The following EPHX3 variants were observed in gnomAD, a reference collection of about 807,000 sequenced individuals.
EPHX3 encodes abhydrolase domain containing 9.
A neutral mutation model predicts 40.2 loss-of-function variants in EPHX3; 39 were observed. The ratio of observed to expected loss-of-function variants is 0.97; its 90% confidence interval spans 0.75 to 1.27. The LOEUF (loss-of-function observed/expected upper bound fraction) is 1.27. Among genes scored for constraint, EPHX3 ranks in the 50% most tolerant of loss-of-function variants. The pLI, the probability that EPHX3 is intolerant of heterozygous loss-of-function variation, is 0.00. For missense variants in EPHX3, 442 were observed against 474.0 expected (o/e 0.93, Z 0.63); for synonymous variants, 213 against 209.7 (o/e 1.02, Z -0.14).
Position 15,227,638 on chromosome 19 carries a change from CT to C in EPHX3, c.881del (p.Glu294GlyfsTer2). ...ACAGCAGCAATGTGGGTGTGGTCAG[CT>C]CCTGGGGTTCCAGGGGGAAGTTCCT... ...LFRNFPLEPQ[E>X]LTTPTLLLWG... On this transcript the variant is annotated frameshift_variant, in exon 7 of 7. Transcript: ENST00000221730. LOFTEE classifies it high-confidence loss of function. 1.2e-6 allele frequency: 2 copies of C among 1,614,102 alleles called. No homozygotes were observed. The highest frequency in any genetic ancestry group is 2.2e-5 in the South Asian group (2 of 91,082).
chr19:15,231,636 G>A (rs920207007), intron 2 of EPHX3, 140 bp downstream of exon 2: 1 of 1,003,974 alleles, frequency 1.0e-6, no homozygotes, highest in African/African-American at 1.6e-5. Flanking sequence ...AGGGATCCTG[G>A]GTATGCTGGC....
upstream of EPHX3, among the ~76,000 whole-genome samples, chr19:15,235,265 C>T (rs2047183470): frequency 6.6e-6 from 1 of 152,118 alleles, no homozygotes; most frequent in Non-Finnish European, 1.5e-5. Flanking sequence ...CCCGGCCTCC[C>T]AAAAGTGCTG....
chr19:15,229,575 G>A (rs916372458), intron 4 of EPHX3, among the ~76,000 whole-genome samples: 5 of 141,948 alleles, frequency 3.5e-5, no homozygotes, highest in Non-Finnish European at 7.6e-5. Context: ...GCACTGCACA[G>A]AGTGAGACTC....
chr19:15,231,023 GT>G lies in EPHX3; in HGVS notation c.554del (p.Tyr185SerfsTer58). On this transcript the variant is annotated frameshift_variant, in exon 4 of 7. Transcript: ENST00000221730. LOFTEE classifies it high-confidence loss of function. ...GALLAWHFSIYYPSLVERMVV... is the reference protein window; with the variant it reads ...GALLAWHFSIXYPSLVERMVV... ...CCATCCGCTCGACCAGGGATGGGTA[GT>G]AGATGGAGAAATGCCAGGCAAGGAG... 6.2e-7 allele frequency: 1 copy of G among 1,614,128 alleles called. No homozygotes were observed. Among genetic ancestry groups the G allele is most frequent in the Non-Finnish European group, 8.5e-7 (1 of 1,180,028 alleles).
upstream of EPHX3, among the ~76,000 whole-genome samples, chr19:15,233,835 C>T (rs1334795742): frequency 1.3e-5 from 2 of 152,152 alleles, no homozygotes; most frequent in African/African-American, 2.4e-5. Context: ...GAGGCCGAGG[C>T]GGGCGGATCA....
intron 4 of EPHX3, among the ~76,000 whole-genome samples, chr19:15,229,659 C>G (rs2047138547): frequency 6.7e-6 from 1 of 150,016 alleles, no homozygotes; most frequent in East Asian, 2.0e-4. Context: ...CTTTGAGAGG[C>G]CAAGGTGGGC....
chr19:15,235,010 G>T (rs59068863), upstream of EPHX3, among the ~76,000 whole-genome samples: 95 of 151,598 alleles, frequency 6.3e-4, no homozygotes, highest in African/African-American at 2.2e-3. Flanking sequence ...TTTTGTTTTT[G>T]TTTTTTTTGA....
chr19:15,232,919 C>T (rs1359101753), upstream of EPHX3: 1 of 151,298 alleles, frequency 6.6e-6, no homozygotes, highest in Non-Finnish European at 1.5e-5. Context: ...CCCAGACAAA[C>T]CTTAAGGAGG....
rs530065809 is a variant in EPHX3, at chr19:15,227,408, A to G, written c.*29T>C. 5.1e-6 allele frequency: 8 copies of G among 1,578,856 alleles called. No homozygotes were observed. In the East Asian group the frequency reaches 9.0e-5, roughly 18 times the overall value. On this transcript the variant is annotated 3_prime_UTR_variant, in exon 7 of 7. Transcript: ENST00000221730. ...GGTGTGTGTTCCTTCCTGAGTATCC[A>G]TGCCTCCTGGGCAGGCCAGCAAGGA...
rs1173062067 is a variant in EPHX3 at position 15,231,020 on chromosome 19, G to T, written c.558C>A (p.Tyr186Ter). ...CAACCATCCGCTCGACCAGGGATGGGTAGTAGATGGAGAAATGCCAGGCAA... is the reference window on the plus strand; with the variant it reads ...CAACCATCCGCTCGACCAGGGATGGTTAGTAGATGGAGAAATGCCAGGCAA... ...ALLAWHFSIYYPSLVERMVVV... is the reference protein window; with the variant it reads ...ALLAWHFSIY Residue 186 changes from tyrosine (Y) to a stop codon, truncating the protein, a stop_gained, in exon 4 of 7, where the codon TAC (tyrosine) becomes TAA (stop). Transcript: ENST00000221730. LOFTEE classifies it high-confidence loss of function. 2 of 1,613,980 alleles carry T rather than the reference G, an allele frequency of 1.2e-6. No individual in the cohort carries two copies. Among genetic ancestry groups the T allele is most frequent in the Admixed American group, 1.7e-5 (1 of 59,992 alleles).
rs748883224 is a variant in EPHX3, at chr19:15,232,037, G to A, written c.175C>T (p.Arg59Cys). The A allele has an allele frequency of 1.3e-6, 2 of 1,586,104 alleles. No homozygotes were observed. The highest frequency in any genetic ancestry group is 1.7e-6 in the Non-Finnish European group (2 of 1,172,592). ...CRPRRGCCGR[R>C]RSASPACLSD... ...AGGCAGGCGGGGGACGCGCTCCGAC[G>A]GCGCCCGCAGCAGCCGCGCCGGGGC... The change falls in exon 1 of 7, where the codon CGT (arginine) becomes TGT (cysteine). Residue 59 changes from arginine (R) to cysteine (C), a missense_variant. Physicochemically the swap from Arg to Cys is radical, Grantham distance 180. Transcript: ENST00000221730.
In EPHX3 at chr19:15,231,813, G is replaced by A. The variant is rs772777365; in HGVS notation, c.292C>T (p.Pro98Ser). 6.2e-7 allele frequency: 1 copy of A among 1,613,924 alleles called. No individual in the cohort carries two copies. Among genetic ancestry groups the A allele is most frequent in the Non-Finnish European group, 8.5e-7 (1 of 1,180,018 alleles). Reference sequence around the variant, plus strand: ...AAGCCGTGCAGAAACAGCATGAGGGGTCCGTTACCTCGTCCAGCCGAGACA... The same window carrying A: ...AAGCCGTGCAGAAACAGCATGAGGGATCCGTTACCTCGTCCAGCCGAGACA... ...HYVSAGRGNGPLMLFLHGFPE... is the reference protein window; with the variant it reads ...HYVSAGRGNGSLMLFLHGFPE... The change falls in exon 2 of 7, where the codon CCC becomes TCC. Residue 98 changes from proline to serine, a missense_variant. Transcript: ENST00000221730.
chr19:15,227,355 A>T lies in EPHX3; in HGVS notation c.*82T>A. On this transcript the variant is annotated 3_prime_UTR_variant, in exon 7 of 7. Transcript: ENST00000221730. ...GAGTTCACCCATGTATGGACATTGT[A>T]TGGACTCCCAGGCACACACAGATAA... is the stretch of plus-strand genomic sequence containing the variant. 1 of 1,160,274 alleles carries T rather than the reference A, an allele frequency of 8.6e-7. No homozygotes were observed. The highest frequency in any genetic ancestry group is 1.3e-6 in the Non-Finnish European group (1 of 781,898). 71.9% of individuals were successfully genotyped at this position (1,160,274 alleles called of 1,614,324 possible). A position where few individuals can be genotyped will look rare whatever the true frequency, so the allele number is the denominator to read the frequency against.
In EPHX3 at chr19:15,231,270, C is replaced by G. The variant is rs772700060; in HGVS notation, c.456G>C (p.Leu152=). 8 of 1,613,978 alleles carry G rather than the reference C, an allele frequency of 5.0e-6. No individual in the cohort carries two copies. The South Asian group carries it at 8.8e-5, about 18-fold the overall frequency. ...DVDCYTIDLL[L]VDIKDVILGL... is the part of the protein sequence containing the mutation. ...CTAGGATGACATCTTTGATGTCCAC[C>G]AGCAGCAGGTCGATTGTGTAGCAGT... Residue 152 remains leucine, a synonymous_variant, in exon 3 of 7, where the codon CTG becomes CTC. Coordinates refer to ENST00000221730, the MANE Select transcript of EPHX3 (RefSeq NM_024794.3).
upstream of EPHX3, among the ~76,000 whole-genome samples, chr19:15,232,733 T>A (rs1234799761): frequency 6.6e-6 from 1 of 151,806 alleles, no homozygotes; most frequent in Non-Finnish European, 1.5e-5. Context: ...AAAAATTAGC[T>A]GGGCGTGGTG....
intron 2 of EPHX3, 68 bp downstream of exon 2, chr19:15,231,708 C>G (rs1033672400): frequency 7.9e-6 from 12 of 1,521,598 alleles, no homozygotes; most frequent in Middle Eastern, 1.7e-4. Context: ...TCCTCCCTGC[C>G]TCTTGGGAGC....
At position 15,232,331 on chromosome 19, in the gene EPHX3, G is replaced by T; in HGVS notation, c.-120C>A. The stretch of plus-strand genomic sequence containing the variant: ...GCCTGGGGCCCCTCCGTGCCGTCGG[G>T]ATTTGTGGGACGCGCTGAAGGAAGA... On this transcript the variant is annotated 5_prime_UTR_variant, in exon 1 of 7. Transcript: ENST00000221730. The T allele has an allele frequency of 7.3e-7, 1 of 1,376,688 alleles. No homozygotes were observed. The highest frequency in any genetic ancestry group is 9.3e-7 in the Non-Finnish European group (1 of 1,074,732). 85.3% of individuals were successfully genotyped at this position (1,376,688 alleles called of 1,614,324 possible). A position where few individuals can be genotyped will look rare whatever the true frequency, so the allele number is the denominator to read the frequency against.
rs759728504 is a variant in EPHX3, at chr19:15,232,064, G to A, written c.148C>T (p.Arg50Trp). 7 of 1,573,928 alleles carry A rather than the reference G, an allele frequency of 4.4e-6. No homozygotes were observed. In the Admixed American group the frequency reaches 1.1e-4, roughly 24 times the overall value. Residue 50 changes from arginine to tryptophan, a missense_variant, in exon 1 of 7, where the codon CGG becomes TGG. Physicochemically the swap from Arg to Trp is moderately radical, Grantham distance 101 (BLOSUM62 -3). Transcript: ENST00000221730. The part of the protein sequence containing the change: ...GCIALTHVLC[R>W]PRRGCCGRRR... Reference sequence around the variant, plus strand: ...CGCCCGCAGCAGCCGCGCCGGGGCCGGCACAGCACGTGCGTGAGCGCTATG... The same window carrying A: ...CGCCCGCAGCAGCCGCGCCGGGGCCAGCACAGCACGTGCGTGAGCGCTATG...
At chr19:15,228,140 C>T (rs758741642) in intron 4 of EPHX3, 40 bp from the exon 5 acceptor site, 10 of 1,505,234 alleles carry the variant, frequency 6.6e-6, no homozygotes, top group African/African-American at 2.7e-5. Flanking sequence ...AAGGCCTGCT[C>T]CTGGGGTGGC....
Sources: gnomAD v4.1 joint callset for allele counts (sites outside exome capture counted in the v4.1 genomes callset) on GRCh38, gnomAD v4.1.1 for gene constraint, MANE v1.5 for transcripts, NCBI Gene and HGNC (gene_info 2026-07-23, HGNC 2026-07-21) for gene names.